NFKB2: variants seen among roughly 807,000 people sequenced by gnomAD.
NFKB2 encodes nuclear factor NF-kappa-B p100 subunit.
NFKB2 carries 21 observed loss-of-function variants against 109.3 expected under a neutral mutation model. The ratio of observed to expected loss-of-function variants is 0.19; its 90% CI spans 0.14 to 0.28. NFKB2 has a LOEUF of 0.28. Among genes scored for constraint, NFKB2 ranks in the 10% least tolerant of loss-of-function variants. NFKB2 has a pLI of 1.00. For missense variants in NFKB2, 806 were observed against 1,185.3 expected, an observed-to-expected ratio of 0.68 and a Z score of 4.70; for synonymous variants, 478 against 489.9, an observed-to-expected ratio of 0.98 and a Z score of 0.32.
In NFKB2 at chr10:102,398,719, T is replaced by G; in HGVS notation, c.992-20T>G. 6.2e-7 allele frequency: 1 copy of G among 1,612,146 alleles called. No individual in the cohort carries two copies. Among genetic ancestry groups the G allele is most frequent in the African/African-American group, 1.3e-5 (1 of 74,982 alleles). On this transcript the variant is annotated intron_variant, in intron 11 of 22. Coordinates refer to ENST00000661543, the MANE Select transcript of NFKB2 (RefSeq NM_001322934.2). The surrounding 1 kb of genome is among the most constrained non-coding windows in gnomAD (Gnocchi z 6.6). ...CATGACACAATAACTGGGCTCAATC[T>G]CATTTTCCTCTGCCCCCAGACAAGG...
rs2061116194 is a variant in NFKB2, at chr10:102,396,441, G to A, written c.104-8G>A. On this transcript the variant is annotated splice_region_variant and splice_polypyrimidine_tract_variant and intron_variant, in intron 3 of 22. Transcript: ENST00000661543. This position sits in a 1 kb window ranked among gnomAD's most constrained non-coding sequence, Gnocchi z 5.9. ...GATCGTGGCTCAGCAAGGTCTCTCT[G>A]TCCCCAGCTGATGGCCCCTACCTGG... 6.2e-7 allele frequency: 1 copy of A among 1,614,134 alleles called. No homozygotes were observed. The highest frequency in any genetic ancestry group is 8.5e-7 in the Non-Finnish European group (1 of 1,180,008).
rs1180228706 is a variant in NFKB2 at position 102,398,549 on chromosome 10, G to A, written c.991+26G>A. 3 of 1,611,454 alleles carry A rather than the reference G, an allele frequency of 1.9e-6. No individual in the cohort carries two copies. The highest frequency in any genetic ancestry group is 1.1e-5 in the South Asian group (1 of 90,908). ...GTGGAGCTGGGCTGAGGACCTCAGG[G>A]TGCTGGCGGGGGGCCAGGCTGGGCT... is the stretch of plus-strand genomic sequence containing the variant. On this transcript the variant is annotated intron_variant, in intron 11 of 22. Coordinates refer to ENST00000661543, the MANE Select transcript of NFKB2 (RefSeq NM_001322934.2). The surrounding 1 kb of genome is among the most constrained non-coding windows in gnomAD (Gnocchi z 6.6).
rs142623210 is a variant in NFKB2 at position 102,401,434 on chromosome 10, C to T, written c.2224-15C>T. 1,093 of 1,613,740 alleles carry T rather than the reference C, an allele frequency of 6.8e-4. 2 individuals carry two copies. Among genetic ancestry groups the T allele is most frequent in the East Asian group, 6.1e-3 (273 of 44,870 alleles). The stretch of plus-strand genomic sequence containing the variant: ...ACGAGGTGGGAGGTAGTCAGAACTG[C>T]GGCTGTCTCCCCAGGTGAAGACCTT... On this transcript the variant is annotated splice_polypyrimidine_tract_variant and intron_variant, in intron 19 of 22. Transcript: ENST00000661543. This position sits in a 1 kb window ranked among gnomAD's most constrained non-coding sequence, Gnocchi z 4.2.
Position 102,396,204 on chromosome 10 carries a change from TG to T in NFKB2, c.22-43del, listed in dbSNP as rs751739541. 10 of 1,566,778 alleles carry T rather than the reference TG, an allele frequency of 6.4e-6. No homozygotes were observed. Among genetic ancestry groups the T allele is most frequent in the Non-Finnish European group, 8.7e-6 (10 of 1,143,092 alleles). On this transcript the variant is annotated intron_variant, in intron 2 of 22. Coordinates refer to ENST00000661543, the MANE Select transcript of NFKB2 (RefSeq NM_001322934.2). This position sits in a 1 kb window ranked among gnomAD's most constrained non-coding sequence, Gnocchi z 5.9. ...GACTTGGAGATGGGAGGTGGGGCTG[TG>T]GGGGGTGCTGAGAGTCGGATGCCAC...
rs755200232 is a variant in NFKB2, at chr10:102,398,772, C to T, written c.1025C>T (p.Ala342Val). 6.2e-7 allele frequency: 1 copy of T among 1,612,444 alleles called. No homozygotes were observed. ...KEEVQRKRRK[A>V]LPTFSQPFGG... is the part of the protein sequence containing the mutation. ...GAGGTGCAGCGGAAGCGGAGGAAGG[C>T]CTTGCCCACCTTCTCCCAGCCCTTC... The change falls in exon 12 of 23, where the codon GCC becomes GTC. Residue 342 changes from alanine to valine, a missense_variant. Around this residue, in one of 10 missense-constraint regions of NFKB2, gnomAD observed 209 missense variants for 211.9 expected, o/e 0.99. Transcript: ENST00000661543. This position sits in a 1 kb window ranked among gnomAD's most constrained non-coding sequence, Gnocchi z 6.6.
In NFKB2 at chr10:102,402,084, C is replaced by CT; in HGVS notation, c.2504dup (p.Ser836ValfsTer2). The stretch of plus-strand genomic sequence containing the variant: ...GGACCTGGCAGGTCTACTGGAGGCC[C>CT]TGTCTGACATGGGCCTAGAGGAGGG... On this transcript the variant is annotated frameshift_variant, in exon 22 of 23. Transcript: ENST00000661543. LOFTEE classifies it high-confidence loss of function. The CT allele has an allele frequency of 6.3e-7, 1 of 1,574,834 alleles. No individual in the cohort carries two copies. The highest frequency in any genetic ancestry group is 8.6e-7 in the Non-Finnish European group (1 of 1,159,806).
chr10:102,400,114 A>G lies in NFKB2; in HGVS notation c.1504A>G (p.Ser502Gly), dbSNP rs1347832182. 1.9e-6 allele frequency: 3 copies of G among 1,613,966 alleles called. No individual in the cohort carries two copies. Among genetic ancestry groups the G allele is most frequent in the Non-Finnish European group, 2.5e-6 (3 of 1,179,994 alleles). ...CCTAGCCATCATCCACGGGCAGACC[A>G]GTGTCATTGAGCAGATAGTCTATGT... Reference protein sequence around the residue: ...LHLAIIHGQTSVIEQIVYVIH... With the variant: ...LHLAIIHGQTGVIEQIVYVIH... The change falls in exon 15 of 23, where the codon AGT (serine) becomes GGT (glycine). Residue 502 changes from serine (S) to glycine (G), a missense_variant. By Grantham distance (56) the Ser-to-Gly change is moderately conservative (BLOSUM62 0). Coordinates refer to ENST00000661543, the MANE Select transcript of NFKB2 (RefSeq NM_001322934.2). This position sits in a 1 kb window ranked among gnomAD's most constrained non-coding sequence, Gnocchi z 6.3.
chr10:102,397,289 T>C lies in NFKB2; in HGVS notation c.396-13T>C. Reference sequence around the variant, plus strand: ...AACTGCATGGCCAAAGGCCTCCGATTCTCTCTTCTCAGATTTAACAACCTG... The same window carrying C: ...AACTGCATGGCCAAAGGCCTCCGATCCTCTCTTCTCAGATTTAACAACCTG... On this transcript the variant is annotated splice_polypyrimidine_tract_variant and intron_variant, in intron 6 of 22. Transcript: ENST00000661543. This position sits in a 1 kb window ranked among gnomAD's most constrained non-coding sequence, Gnocchi z 4.7. 1 of 1,612,802 alleles carries C rather than the reference T, an allele frequency of 6.2e-7. No individual in the cohort carries two copies. The highest frequency in any genetic ancestry group is 8.5e-7 in the Non-Finnish European group (1 of 1,178,836).
rs2061166633 is a variant in NFKB2 at position 102,398,940 on chromosome 10, G to C, written c.1117+76G>C. 1 of 1,488,286 alleles carries C rather than the reference G, an allele frequency of 6.7e-7. No individual in the cohort carries two copies. The highest frequency in any genetic ancestry group is 9.1e-7 in the Non-Finnish European group (1 of 1,098,724). 92.2% of individuals were successfully genotyped at this position (1,488,286 alleles called of 1,614,324 possible). On this transcript the variant is annotated intron_variant, in intron 12 of 22. Coordinates refer to ENST00000661543, the MANE Select transcript of NFKB2 (RefSeq NM_001322934.2). The surrounding 1 kb of genome is among the most constrained non-coding windows in gnomAD (Gnocchi z 6.6). The stretch of plus-strand genomic sequence containing the variant: ...GAAAAAAATCTGGGGGAGGCCGGGC[G>C]TGGTGGCTCACGCCTGTAATCCAGC...
chr10:102,399,953 C>A, intron 14 of NFKB2, 127 bp from the exon 15 acceptor site: 1 of 1,111,720 alleles, frequency 9.0e-7, no homozygotes, highest in Admixed American at 2.1e-5. Context: ...AGTGCAGGCA[C>A]AGCGATGCCC....
upstream of NFKB2, among the ~76,000 whole-genome samples, chr10:102,395,101 T>TGGGGGGGGGGG (rs11306069): frequency 1.5e-4 from 3 of 20,614 alleles, no homozygotes; most frequent in Admixed American, 7.4e-4. Context: ...TTGTATTAGG[T>TGGGGGGGGGGG]GGGGGGGGGG....
At position 102,400,319 on chromosome 10, in the gene NFKB2, G is replaced by C. The variant is rs898646205; in HGVS notation, c.1626G>C (p.Val542=). The C allele has an allele frequency of 6.2e-7, 1 of 1,613,862 alleles. No individual in the cohort carries two copies. Among genetic ancestry groups the C allele is most frequent in the African/African-American group, 1.3e-5 (1 of 74,888 alleles). The part of the protein sequence containing the change: ...HLAVITGQTS[V]VSFLLRVGAD... ...CGGTGATCACGGGGCAGACGAGTGT[G>C]GTGAGCTTTCTGCTGCGGGTAGGTG... is the stretch of plus-strand genomic sequence containing the variant. The change falls in exon 16 of 23, where the codon GTG becomes GTC. Residue 542 remains valine (V), a synonymous_variant. Transcript: ENST00000661543. The surrounding 1 kb of genome is among the most constrained non-coding windows in gnomAD (Gnocchi z 6.3).
rs760283182 is a variant in NFKB2, at chr10:102,401,486, T to C, written c.2261T>C (p.Met754Thr). The change falls in exon 20 of 23, where the codon ATG becomes ACG. Residue 754 changes from methionine to threonine, a missense_variant. Coordinates refer to ENST00000661543, the MANE Select transcript of NFKB2 (RefSeq NM_001322934.2). The surrounding 1 kb of genome is among the most constrained non-coding windows in gnomAD (Gnocchi z 4.2). ...TLLLNAAQNT[M>T]EPPLTPPSPA... ...CTGCTAAATGCTGCTCAGAACACCA[T>C]GGAGCCACCCCTGACCCCGCCCAGC... 3.1e-6 allele frequency: 5 copies of C among 1,613,598 alleles called. No homozygotes were observed. In the Admixed American group the frequency reaches 5.0e-5, roughly 16 times the overall value.
Position 102,397,075 on chromosome 10 carries a change from G to A in NFKB2, c.395+20G>A, listed in dbSNP as rs760261573. ...TGCCCAGTAGGTGCCCTCTACGCCT[G>A]GCCCCCACTGGTATGCCCGTCTGCC... On this transcript the variant is annotated intron_variant, in intron 6 of 22. Coordinates refer to ENST00000661543, the MANE Select transcript of NFKB2 (RefSeq NM_001322934.2). The surrounding 1 kb of genome is among the most constrained non-coding windows in gnomAD (Gnocchi z 4.7). 6.2e-7 allele frequency: 1 copy of A among 1,600,492 alleles called. No individual in the cohort carries two copies. The highest frequency in any genetic ancestry group is 8.6e-7 in the Non-Finnish European group (1 of 1,169,552).
chr10:102,402,455 A>C lies in NFKB2; in HGVS notation c.*79A>C. 2.6e-6 allele frequency: 2 copies of C among 777,992 alleles called. No homozygotes were observed. The highest frequency in any genetic ancestry group is 4.1e-6 in the Non-Finnish European group (2 of 490,258). The allele number at this position is 777,992 out of a possible 1,614,324, so 48.2% of individuals were successfully genotyped here. On this transcript the variant is annotated 3_prime_UTR_variant, in exon 23 of 23. Transcript: ENST00000661543. The stretch of plus-strand genomic sequence containing the variant: ...TATTTCAAATCTTATTTAACACCCC[A>C]CACCCACCCCTCAGTTGGGACAAAT...
rs773538044 is a variant in NFKB2, at chr10:102,398,725, T to C, written c.992-14T>C. 197 of 1,612,088 alleles carry C rather than the reference T, an allele frequency of 1.2e-4. No individual in the cohort carries two copies. Among genetic ancestry groups the C allele is most frequent in the Non-Finnish European group, 1.5e-4 (177 of 1,180,006 alleles). ...ACAATAACTGGGCTCAATCTCATTTTCCTCTGCCCCCAGACAAGGAAGAGG... is the reference window on the plus strand; with the variant it reads ...ACAATAACTGGGCTCAATCTCATTTCCCTCTGCCCCCAGACAAGGAAGAGG... On this transcript the variant is annotated splice_polypyrimidine_tract_variant and intron_variant, in intron 11 of 22. Coordinates refer to ENST00000661543, the MANE Select transcript of NFKB2 (RefSeq NM_001322934.2). This position sits in a 1 kb window ranked among gnomAD's most constrained non-coding sequence, Gnocchi z 6.6.
In NFKB2 at chr10:102,397,094, G is replaced by A. The variant is rs766159726; in HGVS notation, c.395+39G>A. 1.6e-5 allele frequency: 26 copies of A among 1,594,692 alleles called. No homozygotes were observed. The highest frequency in any genetic ancestry group is 5.0e-5 in the Admixed American group (3 of 59,534). ...ACGCCTGGCCCCCACTGGTATGCCC[G>A]TCTGCCAGTCCCAGGCCCCAGCCCA... On this transcript the variant is annotated intron_variant, in intron 6 of 22. Coordinates refer to ENST00000661543, the MANE Select transcript of NFKB2 (RefSeq NM_001322934.2). This position sits in a 1 kb window ranked among gnomAD's most constrained non-coding sequence, Gnocchi z 4.7.
chr10:102,395,933 A>G lies in NFKB2; in HGVS notation c.-27A>G, dbSNP rs778193912. ...GAAGCAGAACCTGGCCGGAGCCACT[A>G]GACAGAGCCGGGCCTAGCCCAGAGA... On this transcript the variant is annotated 5_prime_UTR_variant, in exon 2 of 23. Coordinates refer to ENST00000661543, the MANE Select transcript of NFKB2 (RefSeq NM_001322934.2). 3 of 1,611,892 alleles carry G rather than the reference A, an allele frequency of 1.9e-6. No individual in the cohort carries two copies. Among genetic ancestry groups the G allele is most frequent in the Non-Finnish European group, 2.5e-6 (3 of 1,179,888 alleles).
chr10:102,396,301 A>T lies in NFKB2; in HGVS notation c.70A>T (p.Ile24Phe). The part of the protein sequence containing the change: ...EYDDFKLNSS[I>F]VEPKEPAPET... ...TGATGATTTCAAATTGAACTCCTCC[A>T]TTGTGGAACCCAAGGAGCCAGCCCC... The change falls in exon 3 of 23, where the codon ATT becomes TTT. Residue 24 changes from isoleucine to phenylalanine, a missense_variant. This residue lies in a region of NFKB2 where 39 missense variants were observed against 35.6 expected (regional missense o/e 1.09). Transcript: ENST00000661543. This position sits in a 1 kb window ranked among gnomAD's most constrained non-coding sequence, Gnocchi z 5.9. The T allele has an allele frequency of 6.2e-7, 1 of 1,613,524 alleles. No individual in the cohort carries two copies. The highest frequency in any genetic ancestry group is 8.5e-7 in the Non-Finnish European group (1 of 1,179,514).
Sources: gnomAD v4.1 joint callset for allele counts (sites outside exome capture counted in the v4.1 genomes callset) on GRCh38, gnomAD v4.1.1 for gene constraint, gnomAD v4.1.1 regional missense constraint, Gnocchi (gnomAD v3.1) non-coding constraint, MANE v1.5 for transcripts, NCBI Gene and HGNC (gene_info 2026-07-23, HGNC 2026-07-21) for gene names.